The following KNSTRN variants were observed in gnomAD, a reference collection of about 807,000 sequenced individuals.
KNSTRN encodes kinetochore localized astrin (SPAG5) binding protein, also known as small kinetochore-associated protein.
KNSTRN carries 38 observed loss-of-function variants against 44.7 expected under a neutral mutation model. That is an observed-to-expected ratio of 0.85 (90% CI 0.66 to 1.11). The LOEUF is 1.11. Ranked by LOEUF, KNSTRN falls within the 50% of genes most tolerant of loss-of-function variation. The probability of loss-of-function intolerance (pLI) is 0.00; values close to 1 mark genes in which losing one functional copy is unlikely to be tolerated. For missense variants in KNSTRN, 406 were observed against 375.8 expected (o/e 1.08, Z -0.66); for synonymous variants, 158 against 148.1 (o/e 1.07, Z -0.48).
chr15:40,389,997 T>G (rs1425095926), intron 6 of KNSTRN, 68 bp downstream of exon 6: 1 of 1,273,916 alleles, frequency 7.8e-7, no homozygotes, highest in Non-Finnish European at 1.1e-6. Flanking sequence ...GGGGTTGATC[T>G]TGGCAGCATG....
intron 4 of KNSTRN, among the ~76,000 whole-genome samples, chr15:40,387,970 T>C (rs1195911054): frequency 6.6e-6 from 1 of 152,172 alleles, no homozygotes; most frequent in Non-Finnish European, 1.5e-5. Context: ...ATCACGTCAT[T>C]GCATTCCAGC....
rs1205904900 is a variant in KNSTRN at position 40,382,795 on chromosome 15, C to G, written c.-41C>G. On this transcript the variant is annotated 5_prime_UTR_variant, in exon 1 of 9. Transcript: ENST00000249776. ...GACCTGGGGGCTCCAACACCTTTCG[C>G]TAGGTCTGGCTCTGGCCTCTGAGCG... is the stretch of plus-strand genomic sequence containing the variant. 2 of 1,573,912 alleles carry G rather than the reference C, an allele frequency of 1.3e-6. No individual in the cohort carries two copies. Among genetic ancestry groups the G allele is most frequent in the Non-Finnish European group, 8.6e-7 (1 of 1,156,258 alleles).
chr15:40,386,721 G>T (rs528476582), intron 3 of KNSTRN: 14 of 551,464 alleles, frequency 2.5e-5, no homozygotes, highest in Non-Finnish European at 3.9e-5. Context: ...CTCTTTCATC[G>T]CTTGCTCTGA....
intron 3 of KNSTRN, 65 bp from the exon 4 acceptor site, chr15:40,387,094 C>T (rs1360556090): frequency 1.2e-5 from 14 of 1,195,612 alleles, no homozygotes; most frequent in Non-Finnish European, 1.7e-5. Flanking sequence ...TTTGTTCTGC[C>T]TGTTCACAGC....
At chr15:40,384,084 G>T (rs79044944) in intron 2 of KNSTRN, 15,561 of 174,606 alleles carry the variant, frequency 0.089, 956 homozygotes, top group Non-Finnish European at 0.13. Flanking sequence ...AAGATGGAGC[G>T]CTGAAGTGGC....
At position 40,382,824 on chromosome 15, in the gene KNSTRN, C is replaced by T. The variant is rs762980096; in HGVS notation, c.-12C>T. The T allele has an allele frequency of 1.2e-6, 2 of 1,609,716 alleles. No individual in the cohort carries two copies. Among genetic ancestry groups the T allele is most frequent in the Middle Eastern group, 2.3e-4 (1 of 4,436 alleles). On this transcript the variant is annotated 5_prime_UTR_variant, in exon 1 of 9. Coordinates refer to ENST00000249776, the MANE Select transcript of KNSTRN (RefSeq NM_033286.4). ...GTCTGGCTCTGGCCTCTGAGCGAAC[C>T]TTCCGTACAGTATGGCGGCTCCCGA...
Position 40,393,649 on chromosome 15 carries a change from A to G in KNSTRN, c.*52A>G, listed in dbSNP as rs11541643. The G allele has an allele frequency of 0.14, 215,270 of 1,549,212 alleles. 15,865 individuals are homozygous for G. The highest frequency in any genetic ancestry group is 0.18 in the African/African-American group (13,292 of 73,144). ...CTCTTGGGCATAAAATCTCAGAGGA[A>G]GCTACTTAGGACATCATCTTGGCCA... On this transcript the variant is annotated 3_prime_UTR_variant, in exon 9 of 9. Transcript: ENST00000249776.
chr15:40,386,557 T>C (rs1889906208), intron 3 of KNSTRN, 63 bp downstream of exon 3: 1 of 1,567,280 alleles, frequency 6.4e-7, no homozygotes, highest in African/African-American at 1.4e-5. Flanking sequence ...ATACAAAGAA[T>C]TAGAAAACAG....
intron 8 of KNSTRN, 82 bp from the exon 9 acceptor site, chr15:40,393,387 G>C: frequency 6.3e-7 from 1 of 1,593,100 alleles, no homozygotes; most frequent in East Asian, 2.2e-5. Flanking sequence ...GGAGCATAAT[G>C]TTCTGATGTG....
Position 40,383,251 on chromosome 15 carries a change from C to A in KNSTRN, c.233C>A (p.Thr78Lys), listed in dbSNP as rs776128346. The A allele has an allele frequency of 6.2e-7, 1 of 1,614,108 alleles. No homozygotes were observed. Among genetic ancestry groups the A allele is most frequent in the South Asian group, 1.1e-5 (1 of 91,084 alleles). Residue 78 changes from threonine (T) to lysine (K), a missense_variant, in exon 2 of 9, where the codon ACG becomes AAG. Coordinates refer to ENST00000249776, the MANE Select transcript of KNSTRN (RefSeq NM_033286.4). Reference sequence around the variant, plus strand: ...AGGGTTCAGCCGTGCCGCCTCGTTACGATGACCAGTGTGGTTAAGACAGTG... The same window carrying A: ...AGGGTTCAGCCGTGCCGCCTCGTTAAGATGACCAGTGTGGTTAAGACAGTG... ...APGVQPCRLV[T>K]MTSVVKTVYS...
At chr15:40,388,304 G>A (rs919002320) in intron 4 of KNSTRN, among the ~76,000 whole-genome samples, 6 of 152,180 alleles carry the variant, frequency 3.9e-5, no homozygotes, top group African/African-American at 7.2e-5. Flanking sequence ...TATCCCTTAT[G>A]GGAAATGGAT....
In KNSTRN at chr15:40,394,050, T is replaced by A; in HGVS notation, c.*453T>A. Reference sequence around the variant, plus strand: ...CCCCTTCTAACCTGAAACACATTCTTTCCCATCCTGGTTGGGCTTCTGTAC... The same window carrying A: ...CCCCTTCTAACCTGAAACACATTCTATCCCATCCTGGTTGGGCTTCTGTAC... On this transcript the variant is annotated 3_prime_UTR_variant, in exon 9 of 9. Transcript: ENST00000249776. 6.5e-6 allele frequency: 1 copy of A among 153,608 alleles called. No individual in the cohort carries two copies. The highest frequency in any genetic ancestry group is 6.5e-5 in the Admixed American group (1 of 15,442). The allele number at this position is 153,608 out of a possible 1,614,324, so 9.5% of individuals were successfully genotyped here.
chr15:40,387,173 C>G lies in KNSTRN; in HGVS notation c.452C>G (p.Thr151Ser). 6.2e-7 allele frequency: 1 copy of G among 1,613,342 alleles called. No individual in the cohort carries two copies. Among genetic ancestry groups the G allele is most frequent in the Non-Finnish European group, 8.5e-7 (1 of 1,179,328 alleles). Residue 151 changes from threonine to serine, a missense_variant, in exon 4 of 9, where the codon ACT becomes AGT. Transcript: ENST00000249776. Reference protein sequence around the residue: ...LRRENGQMKATDTATRRNVRK... With the variant: ...LRRENGQMKASDTATRRNVRK... ...TGCCCTCCTAGGCAAATGAAAGCTA[C>G]TGACACTGCCACCAGAAGGAATGTC...
At chr15:40,391,907 T>G in intron 7 of KNSTRN, 42 bp from the exon 8 acceptor site, 3 of 1,512,770 alleles carry the variant, frequency 2.0e-6, no homozygotes, top group Non-Finnish European at 2.7e-6. Flanking sequence ...CAAGTCTGGT[T>G]TTATATGAAG....
At chr15:40,393,205 A>T (rs8036457) in intron 8 of KNSTRN, 223,646 of 1,612,632 alleles carry the variant, frequency 0.14, 16,477 homozygotes, top group African/African-American at 0.18. Context: ...TGCTTGGATG[A>T]ATCATGGGAT....
chr15:40,387,877 G>A (rs922489610), intron 4 of KNSTRN, among the ~76,000 whole-genome samples: 12 of 152,088 alleles, frequency 7.9e-5, no homozygotes, highest in Admixed American at 2.0e-4. Flanking sequence ...GCATGGTGGC[G>A]CATGTCTGTA....
Position 40,389,943 on chromosome 15 carries a change from C to T in KNSTRN, c.685+14C>T. 1.9e-6 allele frequency: 3 copies of T among 1,602,444 alleles called. No individual in the cohort carries two copies. Among genetic ancestry groups the T allele is most frequent in the Non-Finnish European group, 2.6e-6 (3 of 1,169,270 alleles). ...GCCTTGATCCAGGTAAGAGACAGCA[C>T]ACAGCTAGCCTCCTTTGAAGGAATT... On this transcript the variant is annotated intron_variant, in intron 6 of 8. Transcript: ENST00000249776.
intron 8 of KNSTRN, 126 bp downstream of exon 8, chr15:40,392,149 C>G (rs997963923): frequency 2.5e-5 from 16 of 640,302 alleles, no homozygotes; most frequent in African/African-American, 2.3e-4. Flanking sequence ...AGGAAAGTTA[C>G]AAAGATAATA....
intron 4 of KNSTRN, 74 bp from the exon 5 acceptor site, chr15:40,389,432 T>G: frequency 4.5e-5 from 49 of 1,099,562 alleles, no homozygotes; most frequent in Non-Finnish European, 5.7e-5. Context: ...ATTACAGGCA[T>G]GAGCTACCGC....
Sources: allele counts gnomAD v4.1 joint callset (sites outside exome capture counted in the v4.1 genomes callset), GRCh38; gene constraint gnomAD v4.1.1; transcripts MANE v1.5; gene names NCBI Gene and HGNC (gene_info 2026-07-23, HGNC 2026-07-21).